The following FHL3 variants were observed in gnomAD, a reference collection of about 807,000 sequenced individuals.
The protein encoded by FHL3 is four and a half LIM domains protein 3.
A neutral mutation model predicts 34.3 loss-of-function variants in FHL3; 21 were observed. The ratio of observed to expected loss-of-function variants is 0.61; its 90% CI spans 0.43 to 0.88. The LOEUF (loss-of-function observed/expected upper bound fraction) is 0.88. Ranked by LOEUF, FHL3 falls within the 40% of genes least tolerant of loss-of-function variation. FHL3 has a pLI of 0.00. For synonymous variants in FHL3, 137 were observed against 144.6 expected, an observed-to-expected ratio of 0.95 and a Z score of 0.38; for missense variants, 333 against 373.7, an observed-to-expected ratio of 0.89 and a Z score of 0.90.
chr1:37,998,217 C>T, intron 3 of FHL3, 85 bp from the exon 4 acceptor site: 2 of 1,250,176 alleles, frequency 1.6e-6, no homozygotes, highest in South Asian at 1.3e-5. Context: ...AGTCTCCACT[C>T]CTCTCTCAGC....
In FHL3 at chr1:37,997,940, C is replaced by A. The variant is rs1292398244; in HGVS notation, c.501+23G>T. The stretch of plus-strand genomic sequence containing the variant: ...CCCCACAACAGGCCTCACTCACCCC[C>A]ACCTGGCTGGCCCAGCCCCCACCTT... On this transcript the variant is annotated intron_variant, in intron 4 of 5. Coordinates refer to ENST00000373016, the MANE Select transcript of FHL3 (RefSeq NM_004468.5). This position sits in a 1 kb window ranked among gnomAD's most constrained non-coding sequence, Gnocchi z 4.3. 26 of 1,613,872 alleles carry A rather than the reference C, an allele frequency of 1.6e-5. No homozygotes were observed. The highest frequency in any genetic ancestry group is 2.0e-5 in the Non-Finnish European group (24 of 1,179,910).
chr1:37,997,873 G>A lies in FHL3; in HGVS notation c.502-3C>T, dbSNP rs112195274. The A allele has an allele frequency of 1.5e-5, 25 of 1,613,662 alleles. No homozygotes were observed. The Admixed American group carries it at 2.5e-4, about 16-fold the overall frequency. On this transcript the variant is annotated splice_polypyrimidine_tract_variant and splice_region_variant and intron_variant, in intron 4 of 5. Transcript: ENST00000373016. This position sits in a 1 kb window ranked among gnomAD's most constrained non-coding sequence, Gnocchi z 4.3. Reference sequence around the variant, plus strand: ...GTCACTCCACCCTGTGTCAGCGTCTGTGGGGGCAGCATCCATTAGTAGGTA... The same window carrying A: ...GTCACTCCACCCTGTGTCAGCGTCTATGGGGGCAGCATCCATTAGTAGGTA...
At position 37,997,272 on chromosome 1, in the gene FHL3, G is replaced by A; in HGVS notation, c.*133C>T. 2 of 937,576 alleles carry A rather than the reference G, an allele frequency of 2.1e-6. No individual in the cohort carries two copies. Among genetic ancestry groups the A allele is most frequent in the South Asian group, 1.6e-5 (1 of 63,056 alleles). The allele number at this position is 937,576 out of a possible 1,614,324, so 58.1% of individuals were successfully genotyped here. ...GTACCAGTTTGGGGATGCTGGAGTG[G>A]GGAGACAATCCTGGAGCCCAGAAGG... On this transcript the variant is annotated 3_prime_UTR_variant, in exon 6 of 6. Coordinates refer to ENST00000373016, the MANE Select transcript of FHL3 (RefSeq NM_004468.5). This position sits in a 1 kb window ranked among gnomAD's most constrained non-coding sequence, Gnocchi z 4.3.
intron 1 of FHL3, 36 bp downstream of exon 1, chr1:38,005,321 G>T (rs1570490882): frequency 6.7e-6 from 1 of 150,346 alleles, no homozygotes; most frequent in Non-Finnish European, 1.5e-5. Context: ...GGGGCGGACC[G>T]CCAGGGCTGG....
At chr1:38,002,472 T>C (rs1646605428) in intron 1 of FHL3, among the ~76,000 whole-genome samples, 1 of 151,464 alleles carries the variant, frequency 6.6e-6, no homozygotes, top group Non-Finnish European at 1.5e-5. Context: ...GGGCTCAAGC[T>C]ATCCTCTTGC....
At chr1:37,999,625 G>A (rs1326319937) in intron 1 of FHL3, among the ~76,000 whole-genome samples, 193 bp from the exon 2 acceptor site, 1 of 152,172 alleles carries the variant, frequency 6.6e-6, no homozygotes, top group African/African-American at 2.4e-5. Context: ...TATTTAACTC[G>A]GGGTAGGAAG....
At chr1:38,004,709 T>G (rs1646626327) in intron 1 of FHL3, among the ~76,000 whole-genome samples, 1 of 152,148 alleles carries the variant, frequency 6.6e-6, no homozygotes, top group Admixed American at 6.5e-5. Flanking sequence ...CCAAGTCTCT[T>G]TCGCCACCTC....
rs1336381264 is a variant in FHL3 at position 37,998,059 on chromosome 1, T to G, written c.405A>C (p.Pro135=). The G allele has an allele frequency of 6.2e-7, 1 of 1,613,910 alleles. No homozygotes were observed. The highest frequency in any genetic ancestry group is 8.5e-7 in the Non-Finnish European group (1 of 1,179,966). ...CGGGCACAAAAGAACGGGAGCCCAG[T>G]GGCTGTTCACAGCCACTGCACAGGA... is the stretch of plus-strand genomic sequence containing the variant. ...HCFLCSGCEQ[P]LGSRSFVPDK... is the part of the protein sequence containing the mutation. The change falls in exon 4 of 6, where the codon CCA becomes CCC. Residue 135 remains proline, a synonymous_variant. Coordinates refer to ENST00000373016, the MANE Select transcript of FHL3 (RefSeq NM_004468.5).
rs373264480 is a variant in FHL3 at position 37,999,008 on chromosome 1, C to T, written c.297G>A (p.Ser99=). 27 of 1,614,098 alleles carry T rather than the reference C, an allele frequency of 1.7e-5. No individual in the cohort carries two copies. Among genetic ancestry groups the T allele is most frequent in the African/African-American group, 1.2e-4 (9 of 74,934 alleles). The part of the protein sequence containing the change: ...CNDCYCSAFS[S]QCSACGETVM... Reference sequence around the variant, plus strand: ...CAGTCTCCCCACAAGCGGAGCACTGCGAGGAAAACGCACTGCAGTAGCAGT... The same window carrying T: ...CAGTCTCCCCACAAGCGGAGCACTGTGAGGAAAACGCACTGCAGTAGCAGT... The change falls in exon 3 of 6, where the codon TCG becomes TCA. Residue 99 remains serine, a synonymous_variant. Transcript: ENST00000373016.
chr1:38,003,486 A>G (rs1354113431), intron 1 of FHL3, among the ~76,000 whole-genome samples: 1 of 152,188 alleles, frequency 6.6e-6, no homozygotes. Flanking sequence ...CTTGCTGAGG[A>G]CACCAGTGGG....
chr1:37,997,531 A>G lies in FHL3; in HGVS notation c.717T>C (p.Phe239=). The G allele has an allele frequency of 6.2e-7, 1 of 1,613,164 alleles. No individual in the cohort carries two copies. Among genetic ancestry groups the G allele is most frequent in the Non-Finnish European group, 8.5e-7 (1 of 1,179,632 alleles). Residue 239 remains phenylalanine, a synonymous_variant, in exon 6 of 6, where the codon TTT becomes TTC. Transcript: ENST00000373016. This position sits in a 1 kb window ranked among gnomAD's most constrained non-coding sequence, Gnocchi z 4.3. ...AGTTGTGGTGCCAGTGTCGGTCTTC[A>G]AAGGACACATACTTGCCTCCACCGA... ...VGLGGGKYVS[F]EDRHWHHNCF...
At chr1:38,000,132 AC>A (rs1223076118) in intron 1 of FHL3, among the ~76,000 whole-genome samples, 1 of 152,090 alleles carries the variant, frequency 6.6e-6, no homozygotes, top group African/African-American at 2.4e-5. Flanking sequence ...CCCTAGCTAG[AC>A]CCTCTGCCCT....
At chr1:38,002,986 C>T (rs1270819710) in intron 1 of FHL3, among the ~76,000 whole-genome samples, 1 of 151,688 alleles carries the variant, frequency 6.6e-6, no homozygotes, top group Non-Finnish European at 1.5e-5. Flanking sequence ...GGTGAAAACC[C>T]ATCTCCACTA....
At chr1:38,002,376 G>T (rs903447659) in intron 1 of FHL3, among the ~76,000 whole-genome samples, 1 of 131,936 alleles carries the variant, frequency 7.6e-6, no homozygotes, top group African/African-American at 2.5e-5. Flanking sequence ...GGGATTACAG[G>T]CATGAACCAC....
intron 1 of FHL3, among the ~76,000 whole-genome samples, chr1:37,999,673 T>C (rs1646573775): frequency 1.3e-5 from 2 of 152,184 alleles, no homozygotes; most frequent in African/African-American, 4.8e-5. Context: ...AGTTGTTTTC[T>C]TATCTAGGCC....
intron 1 of FHL3, among the ~76,000 whole-genome samples, chr1:38,002,862 G>A (rs889616367): frequency 2.0e-5 from 3 of 150,960 alleles, no homozygotes; most frequent in Non-Finnish European, 4.4e-5. Flanking sequence ...CGGCAGCCTC[G>A]AACTTCTGTG....
At chr1:38,000,463 T>G (rs1239046717) in intron 1 of FHL3, among the ~76,000 whole-genome samples, 4 of 151,958 alleles carry the variant, frequency 2.6e-5, no homozygotes, top group Non-Finnish European at 5.9e-5. Context: ...ACTAGGGAGC[T>G]GAAAGGAGAG....
rs762663278 is a variant in FHL3 at position 37,997,955 on chromosome 1, G to C, written c.501+8C>G. 6.2e-7 allele frequency: 1 copy of C among 1,613,594 alleles called. No homozygotes were observed. The highest frequency in any genetic ancestry group is 1.3e-5 in the African/African-American group (1 of 74,756). On this transcript the variant is annotated splice_region_variant and intron_variant, in intron 4 of 5. Coordinates refer to ENST00000373016, the MANE Select transcript of FHL3 (RefSeq NM_004468.5). This position sits in a 1 kb window ranked among gnomAD's most constrained non-coding sequence, Gnocchi z 4.3. ...CACTCACCCCCACCTGGCTGGCCCA[G>C]CCCCCACCTTGCTGCAGCGGGCGCA...
At chr1:38,004,757 T>C (rs746241130) in intron 1 of FHL3, among the ~76,000 whole-genome samples, 31 of 152,138 alleles carry the variant, frequency 2.0e-4, no homozygotes, top group Non-Finnish European at 3.1e-4. Context: ...TCTCTGAGCG[T>C]CTCTGCAGGC....
Sources: allele counts gnomAD v4.1 joint callset (sites outside exome capture counted in the v4.1 genomes callset), GRCh38; gene constraint gnomAD v4.1.1; non-coding constraint Gnocchi (gnomAD v3.1); transcripts MANE v1.5; gene names NCBI Gene and HGNC (gene_info 2026-07-23, HGNC 2026-07-21).